SANBR: variants seen among roughly 807,000 people sequenced by gnomAD.
The protein encoded by SANBR is SANT and BTB domain regulator of CSR, also known as SANT and BTB domain regulator of class switch recombination.
A neutral mutation model predicts 101.8 loss-of-function variants in SANBR; 77 were observed. The ratio of observed to expected loss-of-function variants is 0.76; its 90% confidence interval spans 0.63 to 0.91. The LOEUF is 0.91. Among genes scored for constraint, SANBR ranks in the 40% least tolerant of loss-of-function variants. The pLI is 0.00. For missense variants in SANBR, 875 were observed against 853.0 expected, an observed-to-expected ratio of 1.03 and a Z score of -0.32; for synonymous variants, 279 against 274.7, an observed-to-expected ratio of 1.02 and a Z score of -0.15.
At chr2:61,112,896 G>A (rs937747173) in intron 16 of SANBR, among the ~76,000 whole-genome samples, 90 of 152,226 alleles carry the variant, frequency 5.9e-4, no homozygotes, top group African/African-American at 2.1e-3. Context: ...TAGCTAAGAA[G>A]TATTTGCCTA....
rs766434439 is a variant in SANBR, at chr2:61,118,037, G to A, written c.1949G>A (p.Arg650Gln). 72 of 1,612,744 alleles carry A rather than the reference G, an allele frequency of 4.5e-5. No individual in the cohort carries two copies. The Middle Eastern group carries it at 4.9e-4, about 11-fold the overall frequency. Reference sequence around the variant, plus strand: ...GTTTTTTTCCCTTCAGATCAACGGCGAATGACTGAAATTACAGGGCACCTA... The same window carrying A: ...GTTTTTTTCCCTTCAGATCAACGGCAAATGACTGAAATTACAGGGCACCTA... Reference protein sequence around the residue: ...QDAQREDDQRRMTEITGHLIK... With the variant: ...QDAQREDDQRQMTEITGHLIK... Residue 650 changes from arginine (R) to glutamine (Q), a missense_variant, in exon 20 of 22, where the codon CGA becomes CAA. By Grantham distance (43) the Arg-to-Gln change is conservative (BLOSUM62 1). Coordinates refer to ENST00000402291, the MANE Select transcript of SANBR (RefSeq NM_001129993.3).
At chr2:61,073,862 C>T (rs1483540097) in intron 5 of SANBR, among the ~76,000 whole-genome samples, 1 of 151,978 alleles carries the variant, frequency 6.6e-6, no homozygotes, top group East Asian at 1.9e-4. Flanking sequence ...GCCATTAATT[C>T]TCCGACTTTA....
intron 11 of SANBR, chr2:61,094,092 A>G: frequency 1.0e-6 from 1 of 983,120 alleles, no homozygotes; most frequent in Non-Finnish European, 1.2e-6. Context: ...TAAACTGTTT[A>G]AGTTCCCACT....
intron 12 of SANBR, among the ~76,000 whole-genome samples, chr2:61,099,820 G>A (rs1296701698): frequency 6.6e-6 from 1 of 152,120 alleles, no homozygotes; most frequent in Non-Finnish European, 1.5e-5. Context: ...GAAAGTTGAG[G>A]GAGTAATATT....
At chr2:61,109,342 G>T (rs747467424) in intron 16 of SANBR, 46 bp downstream of exon 16, 10 of 1,096,460 alleles carry the variant, frequency 9.1e-6, no homozygotes, top group Non-Finnish European at 9.3e-6. Flanking sequence ...TTATGAAGGG[G>T]TTACATTCTG....
chr2:61,096,427 G>C (rs909716225), intron 11 of SANBR, among the ~76,000 whole-genome samples: 1 of 152,144 alleles, frequency 6.6e-6, no homozygotes, highest in Non-Finnish European at 1.5e-5. Flanking sequence ...CTGGGACTCA[G>C]GGTCCATCCT....
chr2:61,094,056 T>G (rs904738915), intron 11 of SANBR: 4 of 980,936 alleles, frequency 4.1e-6, no homozygotes, highest in Middle Eastern at 5.3e-4. Context: ...GAAGAACAGC[T>G]TGTCAAAATC....
chr2:61,118,077 G>C lies in SANBR; in HGVS notation c.1989G>C (p.Leu663Phe). The C allele has an allele frequency of 6.2e-7, 1 of 1,613,688 alleles. No individual in the cohort carries two copies. Among genetic ancestry groups the C allele is most frequent in the Non-Finnish European group, 8.5e-7 (1 of 1,179,766 alleles). The part of the protein sequence containing the change: ...EITGHLIKMR[L>F]GDLDRVKSKE... The stretch of plus-strand genomic sequence containing the variant: ...CAGGGCACCTAATAAAAATGAGATT[G>C]GGGGATCTGGACCGAGTCAAGTCAA... The change falls in exon 20 of 22, where the codon TTG becomes TTC. Residue 663 changes from leucine to phenylalanine, a missense_variant. By Grantham distance (22) the Leu-to-Phe change is conservative. Transcript: ENST00000402291.
rs2104976197 is a variant in SANBR at position 61,122,696 on chromosome 2, G to T, written c.*534G>T. 8.1e-6 allele frequency: 8 copies of T among 985,782 alleles called. No individual in the cohort carries two copies. In the South Asian group the frequency reaches 2.8e-4, roughly 35 times the overall value. 61.1% of individuals were successfully genotyped at this position (985,782 alleles called of 1,614,324 possible). On this transcript the variant is annotated 3_prime_UTR_variant, in exon 22 of 22. Coordinates refer to ENST00000402291, the MANE Select transcript of SANBR (RefSeq NM_001129993.3). ...CAAGACTGCATTAAATGAAGTTTCA[G>T]GGTAAGGTATTTCAGTACTGTGTTG...
intron 9 of SANBR, 30 bp from the exon 10 acceptor site, chr2:61,088,328 G>T: frequency 1.3e-6 from 2 of 1,567,946 alleles, no homozygotes; most frequent in East Asian, 2.3e-5. Context: ...TCTTCTTCCT[G>T]GATGTTTTTT....
In SANBR at chr2:61,123,841, C is replaced by G. The variant is rs1684429437; in HGVS notation, c.*1679C>G. On this transcript the variant is annotated 3_prime_UTR_variant, in exon 22 of 22. Transcript: ENST00000402291. The stretch of plus-strand genomic sequence containing the variant: ...GTGTAGTGGCTCACGCCAGTAATCC[C>G]AGCACTTTGGGAGGCCGAGGCGGGC... The G allele has an allele frequency of 1.0e-6, 1 of 969,568 alleles. No homozygotes were observed. Among genetic ancestry groups the G allele is most frequent in the Admixed American group, 6.2e-5 (1 of 16,244 alleles). The allele number at this position is 969,568 out of a possible 1,614,324, so 60.1% of individuals were successfully genotyped here. A position where few individuals can be genotyped will look rare whatever the true frequency, so the allele number is the denominator to read the frequency against.
At chr2:61,084,762 G>A (rs1033366641) in intron 8 of SANBR, among the ~76,000 whole-genome samples, 4 of 152,142 alleles carry the variant, frequency 2.6e-5, no homozygotes, top group African/African-American at 9.7e-5. Context: ...ATAGACATTA[G>A]GGATTTAAGA....
At position 61,123,858 on chromosome 2, in the gene SANBR, G is replaced by C. The variant is rs570072631; in HGVS notation, c.*1696G>C. ...AGTAATCCCAGCACTTTGGGAGGCC[G>C]AGGCGGGCAGATCACCTGAGGTCAG... On this transcript the variant is annotated 3_prime_UTR_variant, in exon 22 of 22. Coordinates refer to ENST00000402291, the MANE Select transcript of SANBR (RefSeq NM_001129993.3). 5 of 871,642 alleles carry C rather than the reference G, an allele frequency of 5.7e-6. No individual in the cohort carries two copies. The African/African-American group carries it at 9.1e-5, about 16-fold the overall frequency. 54.0% of individuals were successfully genotyped at this position (871,642 alleles called of 1,614,324 possible).
At chr2:61,128,886 C>CA (rs762469316), downstream of SANBR, among the ~76,000 whole-genome samples, 6 of 151,982 alleles carry the variant, frequency 3.9e-5, no homozygotes, top group Non-Finnish European at 7.4e-5. Flanking sequence ...CACTTGAGCC[C>CA]AGGAGTTGGA....
Position 61,118,971 on chromosome 2 carries a change from A to G in SANBR, c.2028+855A>G, listed in dbSNP as rs76956614. Among the ~76,000 whole-genome samples the G allele has an allele frequency of 1.6e-3, 251 of 152,308 alleles. 1 individual carries two copies. The highest frequency in any genetic ancestry group is 5.9e-3 in the African/African-American group (247 of 41,574). ...ATAGGTCATCTATAACACATATAAT[A>G]AAGTACATCATTGCTGAAAATGTGT... On this transcript the variant is annotated intron_variant, in intron 20 of 21. Transcript: ENST00000402291.
intron 20 of SANBR, among the ~76,000 whole-genome samples, chr2:61,120,050 G>C (rs1431705567): frequency 6.6e-6 from 1 of 152,156 alleles, no homozygotes; most frequent in Admixed American, 6.5e-5. Flanking sequence ...AAAAGGAATG[G>C]TCACTTTGGA....
chr2:61,097,237 T>C (rs1370910936), intron 11 of SANBR, among the ~76,000 whole-genome samples: 1 of 152,244 alleles, frequency 6.6e-6, no homozygotes, highest in Non-Finnish European at 1.5e-5. Context: ...TGGCCAGTTG[T>C]AAAATTGAGT....
At chr2:61,114,950 C>G (rs1483593791) in intron 16 of SANBR, among the ~76,000 whole-genome samples, 1 of 152,184 alleles carries the variant, frequency 6.6e-6, no homozygotes, top group African/African-American at 2.4e-5. Flanking sequence ...AGCCACCATG[C>G]CTGGGCTTAC....
At chr2:61,135,189 C>T (rs1310298599) in intron 21 of SANBR, among the ~76,000 whole-genome samples, 1 of 152,118 alleles carries the variant, frequency 6.6e-6, no homozygotes, top group Non-Finnish European at 1.5e-5. Context: ...AATCATGGCA[C>T]TTTTATGTGT....
Sources: gnomAD v4.1 joint callset for allele counts (sites outside exome capture counted in the v4.1 genomes callset) on GRCh38, gnomAD v4.1.1 for gene constraint, MANE v1.5 for transcripts, NCBI Gene and HGNC (gene_info 2026-07-23, HGNC 2026-07-21) for gene names.